The following DAPL1 variants were observed in gnomAD, a reference collection of about 807,000 sequenced individuals.
DAPL1 encodes death-associated protein-like 1.
DAPL1 carries 17 observed loss-of-function variants against 12.9 expected under a neutral mutation model. The observed-to-expected ratio is 1.32, with a 90% CI of 0.90 to 1.98. DAPL1 has a LOEUF of 1.98. Ranked by LOEUF, DAPL1 falls within the 30% of genes most tolerant of loss-of-function variation. DAPL1 has a pLI of 0.00. For synonymous variants in DAPL1, 51 were observed against 42.0 expected (o/e 1.21, Z -0.82); for missense variants, 157 against 125.7 (o/e 1.25, Z -1.19).
rs76194111 is a variant in DAPL1 at position 158,803,724 on chromosome 2, G to A, written c.59-558G>A. Among the ~76,000 whole-genome samples, 673 of 152,288 alleles carry A rather than the reference G, an allele frequency of 4.4e-3. 10 individuals are homozygous for A. The highest frequency in any genetic ancestry group is 0.025 in the East Asian group (128 of 5,190). On this transcript the variant is annotated intron_variant, in intron 1 of 3. Coordinates refer to ENST00000309950, the MANE Select transcript of DAPL1 (RefSeq NM_001017920.3). ...AGAACATCTGAGCTTGGCCAACACC[G>A]GAGTTTTGGGGTCTGGATGGAAGGT... is the stretch of plus-strand genomic sequence containing the variant.
chr2:158,812,333 CTGTGG>C, intron 3 of DAPL1, among the ~76,000 whole-genome samples: 1 of 152,324 alleles, frequency 6.6e-6, no homozygotes, highest in East Asian at 1.9e-4. Context: ...ATATTCTGAT[CTGTGG>C]CATTCCTCTT....
At chr2:158,800,850 C>CT (rs1174195403) in intron 1 of DAPL1, among the ~76,000 whole-genome samples, 1 of 151,872 alleles carries the variant, frequency 6.6e-6, no homozygotes, top group Non-Finnish European at 1.5e-5. Context: ...ATCTTCTTTT[C>CT]TTTTTTTTAG....
chr2:158,813,662 T>C (rs1214937460), intron 3 of DAPL1, among the ~76,000 whole-genome samples: 1 of 151,556 alleles, frequency 6.6e-6, no homozygotes, highest in Non-Finnish European at 1.5e-5. Context: ...TTCATGCCAT[T>C]CTCCTGCCTC....
intron 1 of DAPL1, among the ~76,000 whole-genome samples, chr2:158,801,633 G>A (rs2059168634): frequency 6.6e-6 from 1 of 152,074 alleles, no homozygotes; most frequent in African/African-American, 2.4e-5. Flanking sequence ...AGCATTTTCT[G>A]AGGCTTATAT....
intron 1 of DAPL1, among the ~76,000 whole-genome samples, chr2:158,798,965 A>G (rs562713433): frequency 2.0e-4 from 31 of 152,286 alleles, no homozygotes; most frequent in African/African-American, 7.2e-4. Context: ...GCTTATGTTT[A>G]TCTTCACTAC....
intron 2 of DAPL1, among the ~76,000 whole-genome samples, chr2:158,805,833 T>TAA (rs1268763712): frequency 6.7e-6 from 1 of 148,708 alleles, no homozygotes; most frequent in East Asian, 1.9e-4. Flanking sequence ...TTACAGAACT[T>TAA]AAACAGCAAA....
chr2:158,796,842 T>C lies in DAPL1; in HGVS notation c.58+1412T>C, dbSNP rs150993310. On this transcript the variant is annotated intron_variant, in intron 1 of 3. Transcript: ENST00000309950. ...TAGCACACCATGACTCCATCAAGCA[T>C]GTCACAATGCCTCTGGCATGACAAT... Among the ~76,000 whole-genome samples the C allele has an allele frequency of 3.9e-5, 6 of 152,316 alleles. No homozygotes were observed. In the East Asian group the frequency reaches 1.2e-3, roughly 29 times the overall value.
intron 3 of DAPL1, among the ~76,000 whole-genome samples, chr2:158,809,554 G>A (rs950811811): frequency 1.3e-5 from 2 of 151,982 alleles, no homozygotes; most frequent in Admixed American, 6.6e-5. Flanking sequence ...TTTTGTCCTG[G>A]GGCAGGTTTC....
At chr2:158,808,213 C>T (rs1263335825) in intron 3 of DAPL1, among the ~76,000 whole-genome samples, 1 of 152,204 alleles carries the variant, frequency 6.6e-6, no homozygotes, top group Admixed American at 6.5e-5. Context: ...AAATCAGATG[C>T]CTGAGGACCA....
chr2:158,797,558 G>A (rs918491236), intron 1 of DAPL1, among the ~76,000 whole-genome samples: 9 of 152,296 alleles, frequency 5.9e-5, no homozygotes, highest in East Asian at 3.9e-4. Context: ...TTGGGAGGCC[G>A]AGGTGGGTGG....
intron 3 of DAPL1, among the ~76,000 whole-genome samples, chr2:158,808,555 C>G (rs1027782148): frequency 3.9e-5 from 6 of 152,138 alleles, no homozygotes; most frequent in African/African-American, 1.4e-4. Context: ...AAGGTAAGAT[C>G]TTGATGATGA....
At chr2:158,804,396 A>G in intron 2 of DAPL1, 27 bp downstream of exon 2, 1 of 1,543,646 alleles carries the variant, frequency 6.5e-7, no homozygotes, top group Non-Finnish European at 8.9e-7. Context: ...TTTCTCCATC[A>G]CCTTGAGGAG....
At chr2:158,801,152 C>T (rs1372428606) in intron 1 of DAPL1, among the ~76,000 whole-genome samples, 1 of 152,118 alleles carries the variant, frequency 6.6e-6, no homozygotes, top group African/African-American at 2.4e-5. Context: ...CAGTTCTTCT[C>T]ATCTTTAACT....
chr2:158,811,084 C>A (rs2059227945), intron 3 of DAPL1, among the ~76,000 whole-genome samples: 1 of 152,088 alleles, frequency 6.6e-6, no homozygotes, highest in African/African-American at 2.4e-5. Flanking sequence ...GTTAAAACAT[C>A]CATAATGGGG....
rs568894333 is a variant in DAPL1 at position 158,799,988 on chromosome 2, C to T, written c.59-4294C>T. Among the ~76,000 whole-genome samples the T allele has an allele frequency of 1.4e-4, 21 of 148,836 alleles. 1 individual carries two copies. Among genetic ancestry groups the T allele is most frequent in the Admixed American group, 2.7e-4 (4 of 14,782 alleles). ...CTGAGGCAGGAGAATCACTTGAACT[C>T]GGGAGGCAGAGGTTGCAGTGAGCCG... On this transcript the variant is annotated intron_variant, in intron 1 of 3. Coordinates refer to ENST00000309950, the MANE Select transcript of DAPL1 (RefSeq NM_001017920.3).
chr2:158,809,463 C>T (rs780600796), intron 3 of DAPL1, among the ~76,000 whole-genome samples: 15 of 151,998 alleles, frequency 9.9e-5, no homozygotes, highest in Non-Finnish European at 1.8e-4. Flanking sequence ...TAAGATTGCA[C>T]GGGTTACTGG....
chr2:158,808,455 G>A (rs1253342665), intron 3 of DAPL1, among the ~76,000 whole-genome samples: 1 of 152,214 alleles, frequency 6.6e-6, no homozygotes, highest in African/African-American at 2.4e-5. Flanking sequence ...TAACCTCTTT[G>A]CACTCTGTCA....
intron 3 of DAPL1, among the ~76,000 whole-genome samples, chr2:158,809,330 C>T (rs2059217984): frequency 1.8e-5 from 2 of 112,160 alleles, no homozygotes; most frequent in Non-Finnish European, 3.5e-5. Flanking sequence ...TGCACTCCAG[C>T]CTGGGTGACA....
At chr2:158,803,164 G>A (rs2059178380) in intron 1 of DAPL1, among the ~76,000 whole-genome samples, 1 of 152,188 alleles carries the variant, frequency 6.6e-6, no homozygotes, top group African/African-American at 2.4e-5. Context: ...TGTGGATGAA[G>A]ACACAGGAAG....
Sources: gnomAD v4.1 joint callset for allele counts (sites outside exome capture counted in the v4.1 genomes callset) on GRCh38, gnomAD v4.1.1 for gene constraint, MANE v1.5 for transcripts, NCBI Gene and HGNC (gene_info 2026-07-23, HGNC 2026-07-21) for gene names.